WDR27: variants seen among roughly 807,000 people sequenced by gnomAD.
WDR27 encodes the protein WD repeat-containing protein 27.
In WDR27, 100 loss-of-function variants were observed where a neutral mutation model predicts 114.4. The observed-to-expected ratio is 0.87, with a 90% CI of 0.74 to 1.03. The LOEUF (loss-of-function observed/expected upper bound fraction) is 1.03, where lower values mean the gene tolerates loss of function less well. Ranked by LOEUF, WDR27 falls within the 50% of genes least tolerant of loss-of-function variation. WDR27 has a pLI of 0.00. For missense variants in WDR27, 1,129 were observed against 1,092.9 expected, an observed-to-expected ratio of 1.03 and a Z score of -0.47; for synonymous variants, 449 against 423.1, an observed-to-expected ratio of 1.06 and a Z score of -0.75.
chr6:169,457,473 T>C lies in WDR27; in HGVS notation c.*119A>G. 1.2e-6 allele frequency: 1 copy of C among 852,190 alleles called. No individual in the cohort carries two copies. The highest frequency in any genetic ancestry group is 1.8e-6 in the Non-Finnish European group (1 of 564,802). The allele number at this position is 852,190 out of a possible 1,614,324, so 52.8% of individuals were successfully genotyped here. A position where few individuals can be genotyped will look rare whatever the true frequency, so the allele number is the denominator to read the frequency against. On this transcript the variant is annotated 3_prime_UTR_variant, in exon 26 of 26. Coordinates refer to ENST00000448612, the MANE Select transcript of WDR27 (RefSeq NM_182552.5). ...AAACGGGGGAAATCTGAGGCAAGTCTCAAAATATGAAAAACAGTTGCTGCT... is the reference window on the plus strand; with the variant it reads ...AAACGGGGGAAATCTGAGGCAAGTCCCAAAATATGAAAAACAGTTGCTGCT...
chr6:169,673,349 C>T (rs927863430), intron 2 of WDR27, among the ~76,000 whole-genome samples: 6 of 151,916 alleles, frequency 3.9e-5, no homozygotes, highest in Non-Finnish European at 8.8e-5. Context: ...GGATACGTCA[C>T]CTCATTAGTA....
At chr6:169,652,906 G>C in intron 13 of WDR27, among the ~76,000 whole-genome samples, 1 of 152,144 alleles carries the variant, frequency 6.6e-6, no homozygotes, top group East Asian at 1.9e-4. Context: ...TTGACAAAAA[G>C]TTTAAAAATT....
intron 18 of WDR27, 70 bp from the exon 19 acceptor site, chr6:169,636,574 A>G: frequency 6.9e-7 from 1 of 1,441,200 alleles, no homozygotes; most frequent in Non-Finnish European, 9.4e-7. Context: ...TCTAAACATA[A>G]AATTATTTCT....
chr6:169,611,165 G>A (rs1402386246), intron 22 of WDR27, among the ~76,000 whole-genome samples: 1 of 152,152 alleles, frequency 6.6e-6, no homozygotes, highest in African/African-American at 2.4e-5. Flanking sequence ...AGAAGTGAGT[G>A]AATGTGAAGG....
At chr6:169,542,453 C>T (rs1351699699) in intron 25 of WDR27, among the ~76,000 whole-genome samples, 2 of 152,030 alleles carry the variant, frequency 1.3e-5, no homozygotes, top group Non-Finnish European at 2.9e-5. Context: ...AAGGAATTGA[C>T]TTGTACTTTT....
chr6:169,577,086 G>GAAAAAA (rs111868145), intron 24 of WDR27, among the ~76,000 whole-genome samples: 1 of 144,500 alleles, frequency 6.9e-6, no homozygotes. Context: ...AAAAGAAAAG[G>GAAAAAA]AAAAAAAAAA....
At chr6:169,456,804 T>C (rs1208425816), downstream of WDR27, among the ~76,000 whole-genome samples, 2 of 142,360 alleles carry the variant, frequency 1.4e-5, no homozygotes, top group South Asian at 4.6e-4. The surrounding 1 kb of genome is among the most constrained non-coding windows in gnomAD (Gnocchi z 4.0). Flanking sequence ...AGAACCCATG[T>C]GCAGAGCCCA....
intron 25 of WDR27, among the ~76,000 whole-genome samples, chr6:169,570,761 G>A (rs1016043027): frequency 2.0e-5 from 3 of 152,192 alleles, no homozygotes; most frequent in East Asian, 1.9e-4. Flanking sequence ...CCTGGGAGGC[G>A]GAGGTCACAG....
intron 2 of WDR27, among the ~76,000 whole-genome samples, chr6:169,676,614 G>GC (rs1168379187): frequency 1.3e-5 from 2 of 152,084 alleles, no homozygotes; most frequent in Non-Finnish European, 2.9e-5. Flanking sequence ...TCTCTCTGAA[G>GC]CCTGCCACCT....
intron 25 of WDR27, 130 bp downstream of exon 25, chr6:169,572,289 C>CCAG (rs1801547002): frequency 6.6e-6 from 1 of 151,908 alleles, no homozygotes; most frequent in African/African-American, 2.4e-5. Context: ...GCCGGTAATC[C>CCAG]CAGCATTTTG....
intron 25 of WDR27, among the ~76,000 whole-genome samples, chr6:169,521,649 A>G (rs1281607600): frequency 2.0e-5 from 3 of 152,214 alleles, no homozygotes; most frequent in East Asian, 3.9e-4. Flanking sequence ...GACTACTAAA[A>G]GTCAAAATAG....
intron 1 of WDR27, among the ~76,000 whole-genome samples, chr6:169,701,263 G>T (rs748454359): frequency 1.2e-4 from 19 of 152,110 alleles, no homozygotes; most frequent in Non-Finnish European, 2.5e-4. Flanking sequence ...ACTCCCTTCT[G>T]ATTAGAAAAG....
chr6:169,565,660 C>A (rs1287223112), intron 25 of WDR27, among the ~76,000 whole-genome samples: 1 of 152,158 alleles, frequency 6.6e-6, no homozygotes, highest in Non-Finnish European at 1.5e-5. Context: ...GTTTTGTAAA[C>A]CAAGTAACAT....
chr6:169,697,860 T>C (rs1030618605), intron 1 of WDR27, among the ~76,000 whole-genome samples: 12 of 152,172 alleles, frequency 7.9e-5, no homozygotes, highest in African/African-American at 2.9e-4. Flanking sequence ...TCTCCGTGAC[T>C]TGGTGGTAGT....
chr6:169,606,064 A>G (rs760431330), intron 22 of WDR27, among the ~76,000 whole-genome samples: 6 of 152,206 alleles, frequency 3.9e-5, no homozygotes, highest in Non-Finnish European at 8.8e-5. Flanking sequence ...ATTCATGACT[A>G]AGAACTCAAA....
intron 25 of WDR27, among the ~76,000 whole-genome samples, chr6:169,459,378 C>A (rs143725701): frequency 3.3e-5 from 5 of 151,730 alleles, no homozygotes; most frequent in African/African-American, 1.2e-4. Context: ...TAGAAACTAT[C>A]AAGTCTGAGG....
At chr6:169,650,307 T>C (rs1486986333) in intron 14 of WDR27, among the ~76,000 whole-genome samples, 3 of 103,270 alleles carry the variant, frequency 2.9e-5, no homozygotes, top group Non-Finnish European at 3.9e-5. Flanking sequence ...TCTGCATCCC[T>C]CCATCCCCTC....
intron 25 of WDR27, among the ~76,000 whole-genome samples, chr6:169,530,064 G>C (rs11968768): frequency 2.6e-5 from 4 of 152,128 alleles, no homozygotes; most frequent in Admixed American, 2.0e-4. Flanking sequence ...ACATTCCTGC[G>C]ATGTGACCGC....
intron 25 of WDR27, among the ~76,000 whole-genome samples, chr6:169,566,465 C>T (rs1293596572): frequency 2.6e-5 from 4 of 152,220 alleles, no homozygotes; most frequent in Non-Finnish European, 5.9e-5. Flanking sequence ...TCTCAAACCA[C>T]GTCACGGGAT....
Sources: allele counts gnomAD v4.1 joint callset (sites outside exome capture counted in the v4.1 genomes callset), GRCh38; gene constraint gnomAD v4.1.1; non-coding constraint Gnocchi (gnomAD v3.1); transcripts MANE v1.5; gene names NCBI Gene and HGNC (gene_info 2026-07-23, HGNC 2026-07-21).